The following CARF variants were observed in gnomAD, a reference collection of about 807,000 sequenced individuals.
CARF encodes calcium-responsive transcription factor.
CARF carries 57 observed loss-of-function variants against 82.0 expected under a neutral mutation model. The observed-to-expected ratio is 0.70, with a 90% CI of 0.56 to 0.87. CARF has a LOEUF of 0.87. Among genes scored for constraint, CARF ranks in the 40% least tolerant of loss-of-function variants. The pLI is 0.00. For synonymous variants in CARF, 268 were observed against 290.1 expected, an observed-to-expected ratio of 0.92 and a Z score of 0.77; for missense variants, 771 against 855.8, an observed-to-expected ratio of 0.90 and a Z score of 1.24.
intron 8 of CARF, among the ~76,000 whole-genome samples, chr2:202,960,497 A>G (rs1574696464): frequency 6.6e-6 from 1 of 152,060 alleles, no homozygotes; most frequent in Middle Eastern, 3.4e-3. Context: ...TGATCTGCCC[A>G]CCCTGGCCTC....
chr2:202,986,082 C>T lies in CARF; in HGVS notation c.*2458C>T, dbSNP rs1465752724. On this transcript the variant is annotated 3_prime_UTR_variant, in exon 17 of 17. Coordinates refer to ENST00000438828, the MANE Select transcript of CARF (RefSeq NM_024744.17). ...AAGAGCATGAAGAAAAGTTTAAATC[C>T]CTAATTATATACTCTTTTGGTTTTT... is the stretch of plus-strand genomic sequence containing the variant. 1 of 151,808 alleles carries T rather than the reference C, an allele frequency of 6.6e-6. No homozygotes were observed. Among genetic ancestry groups the T allele is most frequent in the Admixed American group, 6.6e-5 (1 of 15,230 alleles). 9.4% of individuals were successfully genotyped at this position (151,808 alleles called of 1,614,324 possible).
chr2:202,948,200 C>A (rs7568274), intron 5 of CARF, among the ~76,000 whole-genome samples: 44,550 of 151,886 alleles, frequency 0.29, 7,152 homozygotes, highest in East Asian at 0.61. Flanking sequence ...CTCTTCTGTT[C>A]CATTGGTCTA....
chr2:202,929,794 C>T (rs896659220), intron 3 of CARF, among the ~76,000 whole-genome samples: 5 of 151,988 alleles, frequency 3.3e-5, no homozygotes, highest in Admixed American at 1.3e-4. Context: ...GGTCTTGCTA[C>T]AGTACCCAGA....
At chr2:202,974,307 C>A (rs2059935056) in intron 12 of CARF, 27 bp from the exon 13 acceptor site, 1 of 1,541,420 alleles carries the variant, frequency 6.5e-7, no homozygotes, top group Non-Finnish European at 8.7e-7. Flanking sequence ...TGGTTTATGT[C>A]TTTATTCCAT....
At chr2:202,968,813 TATAG>T in intron 10 of CARF, among the ~76,000 whole-genome samples, 1 of 152,288 alleles carries the variant, frequency 6.6e-6, no homozygotes, top group East Asian at 1.9e-4. Flanking sequence ...AACATGATAG[TATAG>T]AATATAGTGT....
chr2:202,967,489 A>G (rs1265727662), intron 10 of CARF, among the ~76,000 whole-genome samples: 1 of 152,204 alleles, frequency 6.6e-6, no homozygotes, highest in Non-Finnish European at 1.5e-5. Flanking sequence ...CTGCACAGAT[A>G]TGTTACATAC....
At position 202,918,010 on chromosome 2, in the gene CARF, G is replaced by T. The variant is rs1293023117; in HGVS notation, c.-196G>T. ...TTTCTGGGGGTAGTAGAATGCTTGAGGCCTGGAATTTAAACCTGAGCCACT... is the reference window on the plus strand; with the variant it reads ...TTTCTGGGGGTAGTAGAATGCTTGATGCCTGGAATTTAAACCTGAGCCACT... On this transcript the variant is annotated 5_prime_UTR_variant, in exon 2 of 17. In the 5' UTR this introduces an upstream ATG that the reference lacks. Transcript: ENST00000438828. The T allele has an allele frequency of 2.2e-6, 1 of 451,502 alleles. No individual in the cohort carries two copies. The highest frequency in any genetic ancestry group is 4.4e-6 in the Non-Finnish European group (1 of 225,204). 28.0% of individuals were successfully genotyped at this position (451,502 alleles called of 1,614,324 possible).
chr2:202,918,008 G>C lies in CARF; in HGVS notation c.-198G>C. ...CATTTCTGGGGGTAGTAGAATGCTT[G>C]AGGCCTGGAATTTAAACCTGAGCCA... is the stretch of plus-strand genomic sequence containing the variant. On this transcript the variant is annotated 5_prime_UTR_variant, in exon 2 of 17. Coordinates refer to ENST00000438828, the MANE Select transcript of CARF (RefSeq NM_024744.17). 2.2e-6 allele frequency: 1 copy of C among 451,936 alleles called. No homozygotes were observed. Among genetic ancestry groups the C allele is most frequent in the Non-Finnish European group, 4.4e-6 (1 of 225,376 alleles). The allele number at this position is 451,936 out of a possible 1,614,324, so 28.0% of individuals were successfully genotyped here.
intron 12 of CARF, among the ~76,000 whole-genome samples, chr2:202,974,074 C>T (rs1330152525): frequency 1.3e-5 from 2 of 152,014 alleles, no homozygotes; most frequent in African/African-American, 2.4e-5. Context: ...GGCGACAGAG[C>T]GAGACTCCAT....
chr2:202,916,154 G>A (rs1371420851), intron 1 of CARF, among the ~76,000 whole-genome samples: 4 of 140,858 alleles, frequency 2.8e-5, no homozygotes, highest in African/African-American at 5.4e-5. Flanking sequence ...AAGTACTTTT[G>A]AGCAATATTT....
chr2:202,943,056 A>G (rs780219012), intron 5 of CARF, 89 bp downstream of exon 5: 2 of 986,962 alleles, frequency 2.0e-6, no homozygotes, highest in Non-Finnish European at 3.1e-6. Context: ...GACACTTTTG[A>G]CTTACATTGT....
intron 14 of CARF, among the ~76,000 whole-genome samples, chr2:202,979,758 G>A (rs554161967): frequency 3.8e-4 from 58 of 151,018 alleles, no homozygotes; most frequent in African/African-American, 1.0e-3. Flanking sequence ...CCGAGATTGC[G>A]TCACTGCACT....
intron 3 of CARF, among the ~76,000 whole-genome samples, chr2:202,935,468 G>T (rs1355084926): frequency 6.6e-6 from 1 of 151,614 alleles, no homozygotes; most frequent in Non-Finnish European, 1.5e-5. Flanking sequence ...TTGAGACAAG[G>T]TCTCATTTTG....
At position 202,986,901 on chromosome 2, in the gene CARF, T is replaced by TATATAC. The variant is rs1394618462; in HGVS notation, c.*3282_*3283insCATATA. Reference sequence around the variant, plus strand: ...ATATATATATATATATATATATATATATATATAGCAACTTGATGTATAGTG... The same window carrying TATATAC: ...ATATATATATATATATATATATATATATATACATATATAGCAACTTGATGTATAGTG... On this transcript the variant is annotated 3_prime_UTR_variant, in exon 17 of 17. Transcript: ENST00000438828. 25 of 137,212 alleles carry TATATAC rather than the reference T, an allele frequency of 1.8e-4. No individual in the cohort carries two copies. Among genetic ancestry groups the TATATAC allele is most frequent in the South Asian group, 7.1e-4 (3 of 4,228 alleles). 8.5% of individuals were successfully genotyped at this position (137,212 alleles called of 1,614,324 possible). A position where few individuals can be genotyped will look rare whatever the true frequency, so the allele number is the denominator to read the frequency against.
intron 3 of CARF, among the ~76,000 whole-genome samples, chr2:202,936,102 T>A (rs564698520): frequency 4.6e-5 from 7 of 152,310 alleles, no homozygotes; most frequent in African/African-American, 1.7e-4. Context: ...AGTGTTAGGA[T>A]TGTAAGTGTG....
chr2:202,947,471 T>C (rs1347874027), intron 5 of CARF, among the ~76,000 whole-genome samples: 1 of 151,708 alleles, frequency 6.6e-6, no homozygotes, highest in African/African-American at 2.4e-5. Flanking sequence ...CACCAGGGCC[T>C]GTCGGGGGGG....
intron 3 of CARF, among the ~76,000 whole-genome samples, chr2:202,930,278 C>G (rs1692643316): frequency 6.6e-6 from 1 of 152,204 alleles, no homozygotes; most frequent in Non-Finnish European, 1.5e-5. Flanking sequence ...AACTCCTGAC[C>G]CCAAGTCATC....
chr2:202,927,336 A>G (rs1291146874), intron 3 of CARF, among the ~76,000 whole-genome samples: 1 of 151,438 alleles, frequency 6.6e-6, no homozygotes, highest in Non-Finnish European at 1.5e-5. Flanking sequence ...TTTTTTTTCC[A>G]TAAAAGCAAG....
chr2:202,925,052 G>A, intron 3 of CARF: 2 of 416,812 alleles, frequency 4.8e-6, no homozygotes, highest in South Asian at 4.0e-5. Context: ...AACATGGACA[G>A]CATGTTTGAG....
Sources: gnomAD v4.1 joint callset for allele counts (sites outside exome capture counted in the v4.1 genomes callset) on GRCh38, gnomAD v4.1.1 for gene constraint, MANE v1.5 for transcripts, NCBI Gene and HGNC (gene_info 2026-07-23, HGNC 2026-07-21) for gene names.